Variants in ZFYVE1 observed in about 807,000 individuals in gnomAD.
ZFYVE1 encodes the protein zinc finger FYVE-type containing 1, also known as zinc finger FYVE domain-containing protein 1.
A neutral mutation model predicts 74.4 loss-of-function variants in ZFYVE1; 30 were observed. The observed-to-expected ratio is 0.40, with a 90% CI of 0.30 to 0.55. The LOEUF (loss-of-function observed/expected upper bound fraction) is 0.55, where lower values mean the gene tolerates loss of function less well. Ranked by LOEUF, ZFYVE1 falls within the 20% of genes least tolerant of loss-of-function variation. ZFYVE1 has a pLI of 0.42. For missense variants in ZFYVE1, 703 were observed against 1,011.6 expected, an observed-to-expected ratio of 0.69 and a Z score of 4.14; for synonymous variants, 335 against 385.1, an observed-to-expected ratio of 0.87 and a Z score of 1.52.
At position 72,975,727 on chromosome 14, in the gene ZFYVE1, A is replaced by G; in HGVS notation, c.1636-6T>C. 1 of 1,613,352 alleles carries G rather than the reference A, an allele frequency of 6.2e-7. No homozygotes were observed. Among genetic ancestry groups the G allele is most frequent in the Non-Finnish European group, 8.5e-7 (1 of 1,179,592 alleles). On this transcript the variant is annotated splice_polypyrimidine_tract_variant and splice_region_variant and intron_variant, in intron 8 of 11. Coordinates refer to ENST00000556143, the MANE Select transcript of ZFYVE1 (RefSeq NM_021260.4). This position sits in a 1 kb window ranked among gnomAD's most constrained non-coding sequence, Gnocchi z 4.1. Reference sequence around the variant, plus strand: ...TCCTTCAGAAACCCATCAGTCTGAAATGAAAACGCAGGCTTCCATCATGCT... The same window carrying G: ...TCCTTCAGAAACCCATCAGTCTGAAGTGAAAACGCAGGCTTCCATCATGCT...
chr14:72,979,228 G>T (rs1893260383), intron 5 of ZFYVE1: 2 of 396,052 alleles, frequency 5.0e-6, no homozygotes, highest in East Asian at 1.0e-4. Context: ...AGCCGGGCAC[G>T]GTGGCTCACG....
In ZFYVE1 at chr14:73,024,190, T is replaced by C; in HGVS notation, c.319A>G (p.Thr107Ala). Residue 107 changes from threonine (T) to alanine (A), a missense_variant, in exon 2 of 12, where the codon ACT (threonine) becomes GCT (alanine). By Grantham distance (58) the Thr-to-Ala change is moderately conservative (BLOSUM62 0). This residue lies in a region of ZFYVE1 where 211 missense variants were observed against 221.7 expected (regional missense o/e 0.95). Coordinates refer to ENST00000556143, the MANE Select transcript of ZFYVE1 (RefSeq NM_021260.4). ...CTCCTTTTGTTACCCCCAGAATGAG[T>C]CCTCTTCTGGCACTCCAGGCACAAG... ...INLCLECQKRTHSGGNKRRHP... is the reference protein window; with the variant it reads ...INLCLECQKRAHSGGNKRRHP... The C allele has an allele frequency of 6.2e-7, 1 of 1,614,022 alleles. No homozygotes were observed. The highest frequency in any genetic ancestry group is 8.5e-7 in the Non-Finnish European group (1 of 1,180,002).
intron 2 of ZFYVE1, among the ~76,000 whole-genome samples, chr14:73,019,003 A>G (rs1894259519): frequency 6.6e-6 from 1 of 151,356 alleles, no homozygotes; most frequent in Non-Finnish European, 1.5e-5. Flanking sequence ...GAATTAATGG[A>G]TGTCTTTGGC....
At chr14:72,988,486 T>C (rs111945371) in intron 4 of ZFYVE1, among the ~76,000 whole-genome samples, 291 of 151,896 alleles carry the variant, frequency 1.9e-3, no homozygotes, top group Non-Finnish European at 3.0e-3. Context: ...AATAACTTTT[T>C]TTTTAAATAT....
At chr14:72,989,363 A>G (rs964179949) in intron 4 of ZFYVE1, among the ~76,000 whole-genome samples, 1 of 152,222 alleles carries the variant, frequency 6.6e-6, no homozygotes, top group Non-Finnish European at 1.5e-5. Flanking sequence ...AACATACATT[A>G]TAACATATAT....
intron 2 of ZFYVE1, among the ~76,000 whole-genome samples, chr14:73,020,383 C>T (rs1453851955): frequency 2.6e-5 from 4 of 152,038 alleles, no homozygotes; most frequent in African/African-American, 9.7e-5. Context: ...GACAGAGTCT[C>T]GCACTGTCAC....
At chr14:73,006,617 A>G (rs968973845) in intron 2 of ZFYVE1, among the ~76,000 whole-genome samples, 2 of 151,492 alleles carry the variant, frequency 1.3e-5, no homozygotes, top group Non-Finnish European at 2.9e-5. Flanking sequence ...CTCTCCCTCC[A>G]ATTCACCCAA....
intron 5 of ZFYVE1, chr14:72,979,302 C>T (rs753203012): frequency 9.0e-6 from 2 of 223,122 alleles, no homozygotes; most frequent in African/African-American, 2.2e-5. Context: ...AAGTTCAAGA[C>T]CAGCCTAGCC....
chr14:72,980,610 C>A (rs1207041023), intron 5 of ZFYVE1, among the ~76,000 whole-genome samples: 1 of 151,840 alleles, frequency 6.6e-6, no homozygotes, highest in Non-Finnish European at 1.5e-5. Context: ...CTCTGTCGCC[C>A]AGGCTGGAGT....
intron 8 of ZFYVE1, among the ~76,000 whole-genome samples, chr14:72,976,116 T>C (rs765011033): frequency 6.6e-6 from 1 of 152,196 alleles, no homozygotes; most frequent in Non-Finnish European, 1.5e-5. Context: ...CTGAACTCCC[T>C]GACAATAACT....
At chr14:73,004,299 T>C (rs982372658) in intron 2 of ZFYVE1, among the ~76,000 whole-genome samples, 2 of 151,992 alleles carry the variant, frequency 1.3e-5, no homozygotes, top group African/African-American at 2.4e-5. Flanking sequence ...CTAGGGATTT[T>C]CTCCCCATGG....
intron 2 of ZFYVE1, among the ~76,000 whole-genome samples, chr14:73,018,397 C>G (rs1894243835): frequency 6.9e-6 from 1 of 145,324 alleles, no homozygotes; most frequent in South Asian, 2.2e-4. Flanking sequence ...CGCCACTGCG[C>G]TCCAGCCTAG....
chr14:72,988,841 C>T, intron 4 of ZFYVE1, among the ~76,000 whole-genome samples: 1 of 146,858 alleles, frequency 6.8e-6, no homozygotes, highest in South Asian at 2.1e-4. Context: ...TAAACCAAAT[C>T]ATAGAATAAT....
At chr14:72,998,440 G>A (rs994330850) in intron 2 of ZFYVE1, 125 bp from the exon 3 acceptor site, 1 of 904,322 alleles carries the variant, frequency 1.1e-6, no homozygotes. Flanking sequence ...GAAGTCACAG[G>A]ATAATAGCTC....
chr14:72,970,873 G>C lies in ZFYVE1; in HGVS notation c.*9C>G, dbSNP rs1411326402. On this transcript the variant is annotated 3_prime_UTR_variant, in exon 12 of 12. Coordinates refer to ENST00000556143, the MANE Select transcript of ZFYVE1 (RefSeq NM_021260.4). ...AGGAATTGTGAAGGACTCGGAGAGG[G>C]GGCTGGGGTTAAAGGTCACCGGGCT... 1 of 1,613,638 alleles carries C rather than the reference G, an allele frequency of 6.2e-7. No homozygotes were observed. Among genetic ancestry groups the C allele is most frequent in the Non-Finnish European group, 8.5e-7 (1 of 1,179,568 alleles).
chr14:73,010,642 C>T (rs902516454), intron 2 of ZFYVE1, among the ~76,000 whole-genome samples: 1 of 149,868 alleles, frequency 6.7e-6, no homozygotes, highest in African/African-American at 2.5e-5. Context: ...TGGTGGCACG[C>T]GCTTGTGATC....
chr14:72,992,643 G>T (rs1251777183), intron 4 of ZFYVE1, among the ~76,000 whole-genome samples: 4 of 138,492 alleles, frequency 2.9e-5, no homozygotes, highest in Non-Finnish European at 6.1e-5. Flanking sequence ...AAGAGAGAGA[G>T]AGCTGTTCTT....
At chr14:73,001,323 A>G (rs903788533) in intron 2 of ZFYVE1, among the ~76,000 whole-genome samples, 5 of 152,188 alleles carry the variant, frequency 3.3e-5, no homozygotes, top group Admixed American at 1.3e-4. Context: ...TTAGCTTTTT[A>G]GTGGAGAAAA....
Position 72,971,157 on chromosome 14 carries a change from C to T in ZFYVE1, c.2102-43G>A, listed in dbSNP as rs749296099. 16 of 1,604,192 alleles carry T rather than the reference C, an allele frequency of 1.0e-5. 1 individual carries two copies. The South Asian group carries it at 1.7e-4, about 17-fold the overall frequency. ...GGTCAGGGCACCCAAAGCCCAATAC[C>T]CCGAGGCCCAACTAGCAAGAGGCCA... On this transcript the variant is annotated intron_variant, in intron 11 of 11. Transcript: ENST00000556143.
Sources: allele counts gnomAD v4.1 joint callset (sites outside exome capture counted in the v4.1 genomes callset), GRCh38; gene constraint gnomAD v4.1.1; regional missense constraint gnomAD v4.1.1; non-coding constraint Gnocchi (gnomAD v3.1); transcripts MANE v1.5; gene names NCBI Gene and HGNC (gene_info 2026-07-23, HGNC 2026-07-21).